Variants in PLXDC2 observed in about 807,000 individuals in gnomAD.
PLXDC2 encodes the protein plexin domain containing 2.
Under a neutral mutation model 68.9 loss-of-function variants are expected in PLXDC2, and 40 were observed. The ratio of observed to expected loss-of-function variants is 0.58; its 90% CI spans 0.45 to 0.76. The LOEUF is 0.76. PLXDC2 is among the 30% of genes least tolerant of loss of function. The pLI is 0.00. For missense variants in PLXDC2, 644 were observed against 661.9 expected (o/e 0.97, Z 0.30); for synonymous variants, 243 against 234.2 (o/e 1.04, Z -0.34).
intron 1 of PLXDC2, among the ~76,000 whole-genome samples, chr10:19,978,044 C>T (rs576144865): frequency 6.6e-6 from 1 of 152,170 alleles, no homozygotes; most frequent in African/African-American, 2.4e-5. Context: ...ATTTCCTACC[C>T]TACCTTCCCT....
intron 1 of PLXDC2, among the ~76,000 whole-genome samples, chr10:19,996,518 T>C (rs1433689996): frequency 2.0e-5 from 3 of 152,088 alleles, no homozygotes; most frequent in Non-Finnish European, 2.9e-5. Context: ...CCCAGGGATT[T>C]GAGGCTGTAG....
rs539488828 is a variant in PLXDC2 at position 20,014,382 on chromosome 10, G to GCTTCCTTCCTTC, written c.324+12433_324+12444dup. ...TCCTTCCTTCCTTCCTTCCTTCCTTGCTTCCTTCCTTCCTTCCTTCCTTCC... is the reference window on the plus strand; with the variant it reads ...TCCTTCCTTCCTTCCTTCCTTCCTTGCTTCCTTCCTTCCTTCCTTCCTTCCTTCCTTCCTTCC... On this transcript the variant is annotated intron_variant, in intron 2 of 13. Transcript: ENST00000377252. Among the ~76,000 whole-genome samples the GCTTCCTTCCTTC allele has an allele frequency of 1.8e-3, 143 of 79,064 alleles. 2 individuals are homozygous for GCTTCCTTCCTTC. The highest frequency in any genetic ancestry group is 2.4e-3 in the African/African-American group (50 of 20,878). The allele number at this position is 79,064 out of a possible 152,430, so 51.9% of individuals were successfully genotyped here. A position where few individuals can be genotyped will look rare whatever the true frequency, so the allele number is the denominator to read the frequency against.
intron 1 of PLXDC2, among the ~76,000 whole-genome samples, chr10:19,891,991 T>G (rs1837971954): frequency 6.6e-6 from 1 of 152,166 alleles, no homozygotes; most frequent in Non-Finnish European, 1.5e-5. Flanking sequence ...AAAAAAGAAC[T>G]TATGCAAAGA....
At chr10:20,026,796 GAATAT>G (rs1351151956) in intron 2 of PLXDC2, among the ~76,000 whole-genome samples, 3 of 147,058 alleles carry the variant, frequency 2.0e-5, no homozygotes, top group East Asian at 4.0e-4. Flanking sequence ...CTAATCTATT[GAATAT>G]AATATACCTT....
intron 13 of PLXDC2, among the ~76,000 whole-genome samples, chr10:20,255,194 TA>T (rs1835727619): frequency 9.4e-6 from 1 of 106,940 alleles, no homozygotes; most frequent in East Asian, 3.4e-4. Flanking sequence ...GGTGGATGGA[TA>T]GATAGATAGA....
At position 19,818,227 on chromosome 10, in the gene PLXDC2, GGTGTGTGTGTGTGTGT is replaced by G. The variant is rs749435110; in HGVS notation, c.112+1067_112+1082del. Among the ~76,000 whole-genome samples the G allele has an allele frequency of 4.0e-3, 544 of 137,608 alleles. 7 individuals carry two copies. The highest frequency in any genetic ancestry group is 0.031 in the Admixed American group (433 of 13,920). The allele number at this position is 137,608 out of a possible 152,430, so 90.3% of individuals were successfully genotyped here. A position where few individuals can be genotyped will look rare whatever the true frequency, so the allele number is the denominator to read the frequency against. On this transcript the variant is annotated intron_variant, in intron 1 of 13. Transcript: ENST00000377252. Reference sequence around the variant, plus strand: ...TCAATTTGTCAATTTGTTCTTTTCTGGTGTGTGTGTGTGTGTGTGTGTGTGTGTGTGTGTGTGTGTG... The same window carrying G: ...TCAATTTGTCAATTTGTTCTTTTCTGGTGTGTGTGTGTGTGTGTGTGTGTG...
intron 1 of PLXDC2, among the ~76,000 whole-genome samples, chr10:19,859,185 C>T (rs1002750097): frequency 6.6e-6 from 1 of 152,128 alleles, no homozygotes; most frequent in African/African-American, 2.4e-5. Context: ...AAACACCTCC[C>T]ACCAGGCCCC....
intron 4 of PLXDC2, among the ~76,000 whole-genome samples, chr10:20,124,632 A>G (rs1385559678): frequency 6.6e-6 from 1 of 150,864 alleles, no homozygotes; most frequent in Admixed American, 6.6e-5. Flanking sequence ...CCGAAAAGAG[A>G]GTCAGCGAAG....
chr10:19,988,903 C>T (rs1030616907), intron 1 of PLXDC2, among the ~76,000 whole-genome samples: 1 of 140,738 alleles, frequency 7.1e-6, no homozygotes, highest in Non-Finnish European at 1.5e-5. Flanking sequence ...TCAGGAGATT[C>T]TCTTGCCTTA....
intron 9 of PLXDC2, among the ~76,000 whole-genome samples, chr10:20,210,295 T>C (rs1002990806): frequency 1.3e-5 from 2 of 152,178 alleles, no homozygotes; most frequent in African/African-American, 4.8e-5. Context: ...ATAAAAGTTA[T>C]ATTAATGTGA....
intron 2 of PLXDC2, among the ~76,000 whole-genome samples, chr10:20,004,782 T>C (rs1479529123): frequency 6.6e-6 from 1 of 152,054 alleles, no homozygotes; most frequent in East Asian, 1.9e-4. Context: ...ACAATCCCGG[T>C]GGTTACTGTA....
chr10:19,906,115 C>A (rs1459733083), intron 1 of PLXDC2, among the ~76,000 whole-genome samples: 1 of 151,912 alleles, frequency 6.6e-6, no homozygotes, highest in African/African-American at 2.4e-5. Context: ...TGGTATGGAG[C>A]AAAATAAAGA....
intron 7 of PLXDC2, among the ~76,000 whole-genome samples, chr10:20,170,125 T>C (rs1370763707): frequency 6.6e-6 from 1 of 152,166 alleles, no homozygotes; most frequent in East Asian, 1.9e-4. Flanking sequence ...TTTGAACTCT[T>C]TGAGGAACAA....
chr10:20,121,596 G>C (rs564945965), intron 4 of PLXDC2, among the ~76,000 whole-genome samples: 1 of 152,194 alleles, frequency 6.6e-6, no homozygotes, highest in Admixed American at 6.5e-5. Flanking sequence ...AAGTGAAAGC[G>C]AAGAGAGGCT....
chr10:20,081,839 G>T (rs968219719), intron 4 of PLXDC2, among the ~76,000 whole-genome samples: 1 of 151,800 alleles, frequency 6.6e-6, no homozygotes, highest in Non-Finnish European at 1.5e-5. Context: ...AAGAGATTGA[G>T]ACCATCTTGG....
At chr10:20,031,629 G>C (rs112328136) in intron 2 of PLXDC2, among the ~76,000 whole-genome samples, 2,678 of 152,132 alleles carry the variant, frequency 0.018, 77 homozygotes, top group African/African-American at 0.061. Flanking sequence ...GCCCTGGGCT[G>C]CATGCCCAGG....
chr10:20,178,557 A>T (rs531783536), intron 9 of PLXDC2, among the ~76,000 whole-genome samples: 1 of 152,200 alleles, frequency 6.6e-6, no homozygotes, highest in Non-Finnish European at 1.5e-5. Context: ...CATGCTGTTA[A>T]TCCGTGTATG....
chr10:20,251,899 AT>A (rs535592130), intron 13 of PLXDC2, among the ~76,000 whole-genome samples: 39 of 152,146 alleles, frequency 2.6e-4, no homozygotes, highest in Non-Finnish European at 4.1e-4. Flanking sequence ...GATAAAAATG[AT>A]TATAGCCTTG....
chr10:20,161,487 C>T lies in PLXDC2; in HGVS notation c.784-2981C>T, dbSNP rs555291322. 3.3e-5 allele frequency among the ~76,000 whole-genome samples: 5 copies of T among 150,476 alleles called. No individual in the cohort carries two copies. The South Asian group carries it at 1.1e-3, about 32-fold the overall frequency. The stretch of plus-strand genomic sequence containing the variant: ...TTTTTGCTTCAAGCTTCCTGCTCTC[C>T]TCTTTTGCCATATTATTGAGCCTGG... On this transcript the variant is annotated intron_variant, in intron 6 of 13. Transcript: ENST00000377252.
Sources: gnomAD v4.1 joint callset for allele counts (sites outside exome capture counted in the v4.1 genomes callset) on GRCh38, gnomAD v4.1.1 for gene constraint, MANE v1.5 for transcripts, NCBI Gene and HGNC (gene_info 2026-07-23, HGNC 2026-07-21) for gene names.